Variants in CNBD1 observed in about 807,000 individuals in gnomAD.
The protein encoded by CNBD1 is cyclic nucleotide-binding domain-containing protein 1.
CNBD1 carries 71 observed loss-of-function variants against 54.4 expected under a neutral mutation model. That is an observed-to-expected ratio of 1.30 (90% CI 1.08 to 1.59). The LOEUF (loss-of-function observed/expected upper bound fraction) is 1.59. CNBD1 is among the 40% of genes most tolerant of loss of function. The pLI, the probability that CNBD1 is intolerant of heterozygous loss-of-function variation, is 0.00. For synonymous variants in CNBD1, 182 were observed against 170.7 expected (o/e 1.07, Z -0.51); for missense variants, 659 against 518.0 (o/e 1.27, Z -2.64).
intron 2 of CNBD1, among the ~76,000 whole-genome samples, chr8:86,891,746 A>G (rs1257341521): frequency 1.3e-5 from 2 of 151,904 alleles, no homozygotes; most frequent in East Asian, 1.9e-4. Context: ...TACGTTTTCA[A>G]TTTCTTTCAT....
intron 10 of CNBD1, among the ~76,000 whole-genome samples, chr8:87,372,887 G>A (rs930265429): frequency 1.3e-5 from 2 of 151,734 alleles, no homozygotes; most frequent in African/African-American, 4.8e-5. Flanking sequence ...CCCAGGAAGA[G>A]CATTGTCAAC....
At chr8:87,148,912 C>G (rs949114587) in intron 4 of CNBD1, among the ~76,000 whole-genome samples, 2 of 152,120 alleles carry the variant, frequency 1.3e-5, no homozygotes, top group Admixed American at 1.3e-4. Flanking sequence ...AACAAACAAA[C>G]AAACAAAAAA....
At chr8:87,248,525 G>C (rs1227837363) in intron 6 of CNBD1, among the ~76,000 whole-genome samples, 1 of 152,154 alleles carries the variant, frequency 6.6e-6, no homozygotes, top group Non-Finnish European at 1.5e-5. Context: ...AACTGCAGAG[G>C]CTTGTCTTTT....
At position 87,153,829 on chromosome 8, in the gene CNBD1, C is replaced by T. The variant is rs148997638; in HGVS notation, c.432-52164C>T. Among the ~76,000 whole-genome samples, 36 of 152,266 alleles carry T rather than the reference C, an allele frequency of 2.4e-4. 1 individual carries two copies. The East Asian group carries it at 5.2e-3, about 22-fold the overall frequency. On this transcript the variant is annotated intron_variant, in intron 4 of 10. Coordinates refer to ENST00000518476, the MANE Select transcript of CNBD1 (RefSeq NM_173538.3). ...CTATACTTTGAGAGCTGTACAAGAACATCTCATTTCTTTTTGGGAGACCGT... is the reference window on the plus strand; with the variant it reads ...CTATACTTTGAGAGCTGTACAAGAATATCTCATTTCTTTTTGGGAGACCGT...
At chr8:87,304,654 T>TAAAA (rs1809103501) in intron 8 of CNBD1, among the ~76,000 whole-genome samples, 2 of 151,324 alleles carry the variant, frequency 1.3e-5, no homozygotes, top group African/African-American at 4.9e-5. Flanking sequence ...AATAAATAAA[T>TAAAA]AAAAATCACA....
At chr8:87,025,819 T>C (rs546605310) in intron 4 of CNBD1, among the ~76,000 whole-genome samples, 50 of 152,072 alleles carry the variant, frequency 3.3e-4, no homozygotes, top group Admixed American at 8.5e-4. Flanking sequence ...AGAACTGTAA[T>C]ACTCACCACG....
rs533122232 is a variant in CNBD1 at position 87,069,045 on chromosome 8, A to G, written c.431+129291A>G. ...GATATGGTTGAGGTGAGGAAAAGGG[A>G]CAAGTCTTTGTTTCTATAAACTACA... On this transcript the variant is annotated intron_variant, in intron 4 of 10. Coordinates refer to ENST00000518476, the MANE Select transcript of CNBD1 (RefSeq NM_173538.3). 3.9e-5 allele frequency among the ~76,000 whole-genome samples: 6 copies of G among 152,206 alleles called. No homozygotes were observed. The East Asian group carries it at 1.2e-3, about 29-fold the overall frequency.
intron 5 of CNBD1, among the ~76,000 whole-genome samples, chr8:87,233,185 C>G (rs1450146060): frequency 6.6e-6 from 1 of 152,122 alleles, no homozygotes; most frequent in Non-Finnish European, 1.5e-5. Context: ...AATCTTTGAT[C>G]TGGACGTTGA....
chr8:87,387,404 G>A (rs1476479153), downstream of CNBD1, among the ~76,000 whole-genome samples: 3 of 152,062 alleles, frequency 2.0e-5, no homozygotes, highest in Admixed American at 6.6e-5. Flanking sequence ...TAAAAGGATG[G>A]AGGAAGATCT....
At chr8:87,062,076 T>C (rs1420342945) in intron 4 of CNBD1, among the ~76,000 whole-genome samples, 8 of 152,226 alleles carry the variant, frequency 5.3e-5, no homozygotes, top group African/African-American at 1.9e-4. Context: ...AGGTTGTTGA[T>C]GGTCAGCAAG....
At chr8:87,034,976 G>GT (rs1485303077) in intron 4 of CNBD1, among the ~76,000 whole-genome samples, 8 of 151,792 alleles carry the variant, frequency 5.3e-5, no homozygotes, top group Non-Finnish European at 7.4e-5. Context: ...GGATTTTTTA[G>GT]TTTTTTTGAC....
intron 4 of CNBD1, among the ~76,000 whole-genome samples, chr8:86,949,956 T>TG (rs1807566805): frequency 8.1e-6 from 1 of 124,134 alleles, no homozygotes; most frequent in Non-Finnish European, 1.7e-5. Context: ...GCTTTTTTTT[T>TG]TTTTTTTTTT....
chr8:87,343,281 G>A (rs576592651), intron 8 of CNBD1, among the ~76,000 whole-genome samples: 3 of 152,042 alleles, frequency 2.0e-5, no homozygotes, highest in South Asian at 2.1e-4. Context: ...CAGATTTCAT[G>A]TTGTTCAAAC....
chr8:87,172,871 C>T (rs1004673439), intron 4 of CNBD1, among the ~76,000 whole-genome samples: 1 of 152,000 alleles, frequency 6.6e-6, no homozygotes, highest in African/African-American at 2.4e-5. Context: ...CATTTACATT[C>T]AATGTTATTA....
At chr8:87,202,739 G>A (rs917910426) in intron 4 of CNBD1, among the ~76,000 whole-genome samples, 6 of 152,136 alleles carry the variant, frequency 3.9e-5, no homozygotes, top group South Asian at 2.1e-4. Flanking sequence ...GAATGAGTCC[G>A]AATGCAGAAA....
intron 6 of CNBD1, among the ~76,000 whole-genome samples, chr8:87,256,000 TA>T (rs1563526033): frequency 1.5e-3 from 25 of 16,706 alleles, no homozygotes; most frequent in African/African-American, 5.4e-3. Context: ...TATATATATA[TA>T]TATATATATA....
intron 8 of CNBD1, among the ~76,000 whole-genome samples, chr8:87,288,653 A>G (rs56237645): frequency 0.28 from 42,788 of 151,906 alleles, 6,486 homozygotes; most frequent in African/African-American, 0.39. Flanking sequence ...TGTTTCCTAG[A>G]CTAATATTGA....
At chr8:87,421,598 C>A (rs184242292) in intron 2 of CNBD1, among the ~76,000 whole-genome samples, 7,936 of 152,136 alleles carry the variant, frequency 0.052, 318 homozygotes, top group East Asian at 0.16. Flanking sequence ...CTACAAAGGA[C>A]ATGAACTCAT....
Position 87,421,437 on chromosome 8 carries a change from C to A in CNBD1, c.214-7109C>A, listed in dbSNP as rs1363096676. Among the ~76,000 whole-genome samples the A allele has an allele frequency of 4.6e-5, 6 of 129,860 alleles. No individual in the cohort carries two copies. In the Admixed American group the frequency reaches 4.9e-4, roughly 11 times the overall value. 85.2% of individuals were successfully genotyped at this position (129,860 alleles called of 152,430 possible). On this transcript the variant is annotated intron_variant, in intron 2 of 7. Transcript: ENST00000521593. ...TCTCCCTCCCCCCCTCCCCCCACCCCACAACAGTCCCCAGAGTGTGATGTT... is the reference window on the plus strand; with the variant it reads ...TCTCCCTCCCCCCCTCCCCCCACCCAACAACAGTCCCCAGAGTGTGATGTT...
Sources: gnomAD v4.1 joint callset for allele counts (sites outside exome capture counted in the v4.1 genomes callset) on GRCh38, gnomAD v4.1.1 for gene constraint, MANE v1.5 for transcripts, NCBI Gene and HGNC (gene_info 2026-07-23, HGNC 2026-07-21) for gene names.